The following R3HDM1 variants were observed in gnomAD, a reference collection of about 807,000 sequenced individuals.
R3HDM1 encodes R3H domain-containing protein 1.
R3HDM1 carries 46 observed loss-of-function variants against 141.1 expected under a neutral mutation model. The observed-to-expected ratio is 0.33, with a 90% confidence interval of 0.26 to 0.42. The LOEUF is 0.42. Ranked by LOEUF, R3HDM1 falls within the 10% of genes least tolerant of loss-of-function variation. The pLI, the probability that R3HDM1 is intolerant of heterozygous loss-of-function variation, is 1.00. For synonymous variants in R3HDM1, 435 were observed against 472.9 expected (o/e 0.92, Z 1.04); for missense variants, 1,184 against 1,368.3 (o/e 0.87, Z 2.12).
chr2:135,595,091 C>A, intron 1 of R3HDM1, among the ~76,000 whole-genome samples: 1 of 151,948 alleles, frequency 6.6e-6, no homozygotes, highest in East Asian at 1.9e-4. Context: ...TGACTTCTTT[C>A]CTGAGCTCCA....
intron 1 of R3HDM1, chr2:135,586,843 G>GA: frequency 1.0e-6 from 1 of 985,314 alleles, no homozygotes; most frequent in Non-Finnish European, 1.2e-6. Context: ...TTGTCAGCTG[G>GA]AAAAATGACT....
At chr2:135,712,986 G>T (rs926498802) in intron 23 of R3HDM1, among the ~76,000 whole-genome samples, 1 of 152,124 alleles carries the variant, frequency 6.6e-6, no homozygotes, top group Non-Finnish European at 1.5e-5. Flanking sequence ...AGGATCACTT[G>T]AGTCCAGGAG....
intron 3 of R3HDM1, among the ~76,000 whole-genome samples, chr2:135,610,301 T>C (rs10199845): frequency 0.077 from 11,752 of 152,260 alleles, 1,498 homozygotes; most frequent in African/African-American, 0.27. Flanking sequence ...CACATTATTA[T>C]TAACAATAGG....
chr2:135,707,269 A>G (rs1484499412), intron 21 of R3HDM1, among the ~76,000 whole-genome samples: 1 of 152,216 alleles, frequency 6.6e-6, no homozygotes, highest in Non-Finnish European at 1.5e-5. Context: ...CATCTCTGGT[A>G]TAATATATTT....
intron 1 of R3HDM1, among the ~76,000 whole-genome samples, chr2:135,601,818 AC>A: frequency 6.6e-6 from 1 of 152,136 alleles, no homozygotes; most frequent in African/African-American, 2.4e-5. Flanking sequence ...GCACACCCCT[AC>A]ACCCAGCTAA....
chr2:135,589,841 C>A (rs988371019), intron 1 of R3HDM1, among the ~76,000 whole-genome samples: 1 of 151,782 alleles, frequency 6.6e-6, no homozygotes. Context: ...AAATCTGTTA[C>A]ATTATATAAT....
At chr2:135,622,235 T>TTA in intron 6 of R3HDM1, 1 of 983,832 alleles carries the variant, frequency 1.0e-6, no homozygotes, top group Non-Finnish European at 1.2e-6. Flanking sequence ...TACCTCCAAA[T>TTA]TATTGCCTCC....
At chr2:135,615,508 C>T (rs982405348) in intron 3 of R3HDM1, among the ~76,000 whole-genome samples, 1 of 152,198 alleles carries the variant, frequency 6.6e-6, no homozygotes, top group African/African-American at 2.4e-5. Context: ...TGCCTTACCG[C>T]ATTCTCCAAT....
At chr2:135,575,059 T>G (rs1416119800) in intron 1 of R3HDM1, among the ~76,000 whole-genome samples, 2 of 152,188 alleles carry the variant, frequency 1.3e-5, no homozygotes, top group Non-Finnish European at 1.5e-5. Flanking sequence ...GCATCCCTAA[T>G]CTGAAAGGCT....
chr2:135,678,209 C>G (rs944834675), intron 20 of R3HDM1, among the ~76,000 whole-genome samples: 2 of 151,862 alleles, frequency 1.3e-5, no homozygotes, highest in African/African-American at 2.4e-5. Flanking sequence ...AGTGATCTAC[C>G]CTCCTTGGCC....
intron 1 of R3HDM1, among the ~76,000 whole-genome samples, chr2:135,548,743 T>C (rs539858509): frequency 5.9e-5 from 9 of 152,230 alleles, no homozygotes; most frequent in Non-Finnish European, 1.2e-4. Flanking sequence ...TTTGCACATA[T>C]GAATATCCTT....
Position 135,550,084 on chromosome 2 carries a change from C to T in R3HDM1, c.-250+18451C>T, listed in dbSNP as rs1699552648. The T allele has an allele frequency of 5.1e-6, 5 of 984,690 alleles. No individual in the cohort carries two copies. The African/African-American group carries it at 8.7e-5, about 17-fold the overall frequency. 61.0% of individuals were successfully genotyped at this position (984,690 alleles called of 1,614,324 possible). The stretch of plus-strand genomic sequence containing the variant: ...TTTTCATGATCTGGAATGTCTTTTC[C>T]AGCTGAAGTTTTGTTAAGTCCATAT... On this transcript the variant is annotated intron_variant, in intron 1 of 26. Transcript: ENST00000683871.
chr2:135,582,533 A>T (rs2105033036), intron 1 of R3HDM1, among the ~76,000 whole-genome samples: 1 of 152,178 alleles, frequency 6.6e-6, no homozygotes, highest in African/African-American at 2.4e-5. Flanking sequence ...TGGCAGTGTG[A>T]CTCTGCTACA....
intron 21 of R3HDM1, among the ~76,000 whole-genome samples, chr2:135,680,890 C>T (rs2070181664): frequency 6.6e-6 from 1 of 152,196 alleles, no homozygotes; most frequent in African/African-American, 2.4e-5. Context: ...TCTTCTGTTA[C>T]TCACACAAAT....
At chr2:135,604,090 A>G (rs1194044763) in intron 2 of R3HDM1, among the ~76,000 whole-genome samples, 4 of 152,174 alleles carry the variant, frequency 2.6e-5, no homozygotes, top group African/African-American at 9.7e-5. Flanking sequence ...TGCCTGGATA[A>G]TGTGTTGTTT....
At position 135,625,516 on chromosome 2, in the gene R3HDM1, G is replaced by A. The variant is rs184846761; in HGVS notation, c.497+2784G>A. Among the ~76,000 whole-genome samples, 281 of 152,252 alleles carry A rather than the reference G, an allele frequency of 1.8e-3. 2 individuals are homozygous for A. Among genetic ancestry groups the A allele is most frequent in the Middle Eastern group, 0.014 (4 of 294 alleles). ...GAAAATATAAGTATTGTAAGATTGC[G>A]AAATATATATATTTGGTCTGCCTCC... On this transcript the variant is annotated intron_variant, in intron 7 of 26. Coordinates refer to ENST00000683871, the MANE Select transcript of R3HDM1 (RefSeq NM_001378107.1).
chr2:135,665,506 T>G (rs768740052), intron 19 of R3HDM1: 1 of 525,776 alleles, frequency 1.9e-6, no homozygotes, highest in Non-Finnish European at 3.9e-6. Context: ...AGGTTTCCAC[T>G]GCTTTTTTGC....
chr2:135,566,509 C>G (rs966445464), intron 1 of R3HDM1: 1 of 153,894 alleles, frequency 6.5e-6, no homozygotes, highest in Non-Finnish European at 1.4e-5. Flanking sequence ...TGTAGATTCA[C>G]ATAAAATAAG....
rs536650503 is a variant in R3HDM1 at position 135,545,495 on chromosome 2, A to G, written c.-250+13862A>G. Among the ~76,000 whole-genome samples the G allele has an allele frequency of 5.5e-4, 84 of 152,328 alleles. 1 individual carries two copies. Among genetic ancestry groups the G allele is most frequent in the African/African-American group, 1.7e-3 (72 of 41,562 alleles). On this transcript the variant is annotated intron_variant, in intron 1 of 26. Transcript: ENST00000683871. ...ATGAAATGAAGGAAAAAGCCATGAG[A>G]TATATCAGGGAAGAATATTTTGGAT...
Sources: gnomAD v4.1 joint callset for allele counts (sites outside exome capture counted in the v4.1 genomes callset) on GRCh38, gnomAD v4.1.1 for gene constraint, MANE v1.5 for transcripts, NCBI Gene and HGNC (gene_info 2026-07-23, HGNC 2026-07-21) for gene names.